ARFGEF1: variants seen among roughly 807,000 people sequenced by gnomAD.
ARFGEF1 encodes the protein ARF guanine nucleotide exchange factor 1, also known as brefeldin A-inhibited guanine nucleotide-exchange protein 1.
A neutral mutation model predicts 231.0 loss-of-function variants in ARFGEF1; 42 were observed. That is an observed-to-expected ratio of 0.18 (90% confidence interval 0.14 to 0.24). ARFGEF1 has a LOEUF of 0.24. Among genes scored for constraint, ARFGEF1 ranks in the 10% least tolerant of loss-of-function variants. The pLI is 1.00. For missense variants in ARFGEF1, 1,345 were observed against 2,192.0 expected, an observed-to-expected ratio of 0.61 and a Z score of 7.72; for synonymous variants, 710 against 732.3, an observed-to-expected ratio of 0.97 and a Z score of 0.49.
chr8:67,181,363 A>G (rs1412160583), intron 5 of ARFGEF1, among the ~76,000 whole-genome samples: 1 of 126,256 alleles, frequency 7.9e-6, no homozygotes, highest in African/African-American at 3.1e-5. Context: ...TTTTTTTTTA[A>G]TGAATTTTTC....
chr8:67,257,903 T>C (rs528014263), intron 16 of ARFGEF1, 87 bp from the exon 17 acceptor site: 1 of 1,270,918 alleles, frequency 7.9e-7, no homozygotes, highest in Non-Finnish European at 1.1e-6. Context: ...CATAGCACTT[T>C]TATTTCTCTA....
chr8:67,218,819 A>G lies in ARFGEF1; in HGVS notation c.4338+612T>C, dbSNP rs576103671. On this transcript the variant is annotated intron_variant, in intron 30 of 38. Transcript: ENST00000262215. Reference sequence around the variant, plus strand: ...CTTTGTATTCTTTACTCAATATAAAAAAGAAGTCACTATATAATACTAAAG... The same window carrying G: ...CTTTGTATTCTTTACTCAATATAAAGAAGAAGTCACTATATAATACTAAAG... Among the ~76,000 whole-genome samples, 3 of 152,360 alleles carry G rather than the reference A, an allele frequency of 2.0e-5. No homozygotes were observed. In the South Asian group the frequency reaches 6.2e-4, roughly 32 times the overall value.
At chr8:67,248,858 TAC>T (rs1453062309) in intron 19 of ARFGEF1, among the ~76,000 whole-genome samples, 3 of 150,608 alleles carry the variant, frequency 2.0e-5, no homozygotes. Context: ...GAAACTAGTC[TAC>T]AGATTGTTTC....
intron 32 of ARFGEF1, 44 bp downstream of exon 32, chr8:67,217,738 T>C (rs1838986923): frequency 1.3e-6 from 2 of 1,589,628 alleles, no homozygotes; most frequent in African/African-American, 2.7e-5. Flanking sequence ...TCCAACTCAT[T>C]CAATATACAA....
chr8:67,304,404 T>C (rs184946393), intron 1 of ARFGEF1, among the ~76,000 whole-genome samples: 128 of 152,366 alleles, frequency 8.4e-4, no homozygotes, highest in Middle Eastern at 6.8e-3. Flanking sequence ...AGTATAAAAA[T>C]ATTATCTGCA....
intron 1 of ARFGEF1, among the ~76,000 whole-genome samples, chr8:67,327,306 C>T (rs915802176): frequency 7.3e-5 from 11 of 150,034 alleles, no homozygotes; most frequent in Non-Finnish European, 1.0e-4. Flanking sequence ...ACAGACTCCT[C>T]GATGACGTAC....
intron 14 of ARFGEF1, among the ~76,000 whole-genome samples, chr8:67,261,521 A>G (rs949445918): frequency 1.3e-5 from 2 of 152,242 alleles, no homozygotes; most frequent in Non-Finnish European, 2.9e-5. Flanking sequence ...GTTGAGATCT[A>G]CTGCTTCAAA....
intron 5 of ARFGEF1, among the ~76,000 whole-genome samples, chr8:67,184,943 C>CAA (rs796384901): frequency 7.4e-3 from 412 of 55,992 alleles, no homozygotes; most frequent in Non-Finnish European, 8.7e-3. Flanking sequence ...ACTAAAAATA[C>CAA]AAAAAAAAAA....
intron 1 of ARFGEF1, among the ~76,000 whole-genome samples, chr8:67,335,442 T>G (rs1236704742): frequency 6.6e-6 from 1 of 152,132 alleles, no homozygotes; most frequent in Non-Finnish European, 1.5e-5. Context: ...AGTTACACTT[T>G]TGAAAATGAT....
intron 1 of ARFGEF1, among the ~76,000 whole-genome samples, chr8:67,327,033 A>G (rs16919062): frequency 0.016 from 2,473 of 152,298 alleles, 71 homozygotes; most frequent in African/African-American, 0.057. Context: ...GCATACTCCA[A>G]GCAATATCAA....
downstream of ARFGEF1, chr8:67,195,327 T>A: frequency 2.8e-6 from 3 of 1,090,902 alleles, no homozygotes; most frequent in South Asian, 2.5e-5. Flanking sequence ...CCTGCGCTTA[T>A]GTCTCCTGCC....
chr8:67,222,258 TG>T (rs1563846662), intron 29 of ARFGEF1, among the ~76,000 whole-genome samples: 7 of 142,780 alleles, frequency 4.9e-5, no homozygotes, highest in African/African-American at 1.8e-4. Context: ...TATGTATGTA[TG>T]TATGTATGTA....
chr8:67,230,349 T>C (rs1432804297), intron 23 of ARFGEF1, among the ~76,000 whole-genome samples: 1 of 152,084 alleles, frequency 6.6e-6, no homozygotes, highest in African/African-American at 2.4e-5. Context: ...GAAAAAAACA[T>C]TGGTAAGATT....
Position 67,343,598 on chromosome 8 carries a change from T to C in ARFGEF1, c.-311A>G, listed in dbSNP as rs1587363809. 28 of 1,053,558 alleles carry C rather than the reference T, an allele frequency of 2.7e-5. 1 individual carries two copies. In the South Asian group the frequency reaches 1.0e-3, roughly 38 times the overall value. The allele number at this position is 1,053,558 out of a possible 1,614,324, so 65.3% of individuals were successfully genotyped here. A position where few individuals can be genotyped will look rare whatever the true frequency, so the allele number is the denominator to read the frequency against. The stretch of plus-strand genomic sequence containing the variant: ...CTCTCACTCGTCCCTCCGGCCCTGG[T>C]GGCGGTGAGGGAGCCCGGCCCGGGC... On this transcript the variant is annotated 5_prime_UTR_variant, in exon 1 of 39. Coordinates refer to ENST00000262215, the MANE Select transcript of ARFGEF1 (RefSeq NM_006421.5).
chr8:67,283,974 T>C (rs1805644378), intron 7 of ARFGEF1, among the ~76,000 whole-genome samples: 2 of 152,196 alleles, frequency 1.3e-5, no homozygotes, highest in African/African-American at 2.4e-5. Context: ...ATCTCATTTC[T>C]AGGAATTTGC....
downstream of ARFGEF1, among the ~76,000 whole-genome samples, chr8:67,193,771 C>A (rs1312107442): frequency 6.6e-6 from 1 of 152,206 alleles, no homozygotes; most frequent in East Asian, 1.9e-4. Flanking sequence ...CCTCAGGATG[C>A]AGTTTGCATC....
At chr8:67,196,547 C>CTGAT (rs1297138658), downstream of ARFGEF1, among the ~76,000 whole-genome samples, 7 of 152,322 alleles carry the variant, frequency 4.6e-5, no homozygotes, top group South Asian at 6.2e-4. Context: ...AATACTTCCT[C>CTGAT]TGATGTAATT....
intron 7 of ARFGEF1, among the ~76,000 whole-genome samples, chr8:67,281,862 A>G (rs1805550041): frequency 6.6e-6 from 1 of 152,108 alleles, no homozygotes; most frequent in South Asian, 2.1e-4. Context: ...TAATTTAACA[A>G]AAAATGTGCA....
chr8:67,269,883 G>C (rs1805003831), intron 10 of ARFGEF1, among the ~76,000 whole-genome samples: 1 of 152,010 alleles, frequency 6.6e-6, no homozygotes, highest in Non-Finnish European at 1.5e-5. Context: ...TGAATTTGCT[G>C]TGCAAAAATA....
Sources: gnomAD v4.1 joint callset for allele counts (sites outside exome capture counted in the v4.1 genomes callset) on GRCh38, gnomAD v4.1.1 for gene constraint, MANE v1.5 for transcripts, NCBI Gene and HGNC (gene_info 2026-07-23, HGNC 2026-07-21) for gene names.